ARID4A: variants seen among roughly 807,000 people sequenced by gnomAD.
ARID4A encodes the protein AT-rich interactive domain-containing protein 4A.
A neutral mutation model predicts 148.6 loss-of-function variants in ARID4A; 39 were observed. The observed-to-expected ratio is 0.26, with a 90% confidence interval of 0.20 to 0.34. The LOEUF is 0.34. Ranked by LOEUF, ARID4A falls within the 10% of genes least tolerant of loss-of-function variation. ARID4A has a pLI of 1.00. For synonymous variants in ARID4A, 475 were observed against 481.2 expected (o/e 0.99, Z 0.17); for missense variants, 1,265 against 1,449.1 (o/e 0.87, Z 2.06).
At chr14:58,332,771 G>A (rs568595936) in intron 11 of ARID4A, among the ~76,000 whole-genome samples, 1 of 152,040 alleles carries the variant, frequency 6.6e-6, no homozygotes, top group East Asian at 1.9e-4. Context: ...AAAATGTAAC[G>A]ATGCTATGCT....
chr14:58,331,997 C>G, intron 11 of ARID4A, among the ~76,000 whole-genome samples: 1 of 23,228 alleles, frequency 4.3e-5, no homozygotes, highest in African/African-American at 1.4e-4. Flanking sequence ...TTTTCCCTAC[C>G]CCCCCCCCCC....
chr14:58,346,568 TTGCATTATTATA>T, intron 13 of ARID4A, 63 bp downstream of exon 13: 1 of 1,074,760 alleles, frequency 9.3e-7, no homozygotes. Context: ...TTATCTTATA[TTGCATTATTATA>T]TGCACATTGG....
chr14:58,303,827 G>C (rs1397403586), intron 3 of ARID4A: 1 of 194,032 alleles, frequency 5.2e-6, no homozygotes, highest in African/African-American at 2.3e-5. Flanking sequence ...AAAAGTTTAA[G>C]AATCAGGTTG....
At chr14:58,320,882 C>T (rs2032842487) in intron 7 of ARID4A, among the ~76,000 whole-genome samples, 1 of 152,178 alleles carries the variant, frequency 6.6e-6, no homozygotes, top group African/African-American at 2.4e-5. Flanking sequence ...GTTGGGATTA[C>T]AGGCATGAGC....
At chr14:58,352,639 C>G (rs541365075) in intron 16 of ARID4A, among the ~76,000 whole-genome samples, 2 of 152,064 alleles carry the variant, frequency 1.3e-5, no homozygotes, top group Admixed American at 6.6e-5. Flanking sequence ...TTGGAAGGTG[C>G]CTTCCAAGAG....
chr14:58,318,304 C>A (rs1225664509), intron 5 of ARID4A, among the ~76,000 whole-genome samples: 3 of 152,008 alleles, frequency 2.0e-5, no homozygotes, highest in African/African-American at 7.3e-5. Context: ...TGATAGAAAT[C>A]AAAAAAGCAG....
At chr14:58,311,444 C>T (rs1185473881) in intron 5 of ARID4A, among the ~76,000 whole-genome samples, 7 of 152,138 alleles carry the variant, frequency 4.6e-5, no homozygotes, top group Non-Finnish European at 1.0e-4. Flanking sequence ...GTTACAAGCA[C>T]TGGCAAGGAT....
At chr14:58,338,865 C>A (rs966129122) in intron 11 of ARID4A, among the ~76,000 whole-genome samples, 3 of 151,130 alleles carry the variant, frequency 2.0e-5, no homozygotes, top group African/African-American at 7.3e-5. Context: ...AAAAAAAGTC[C>A]TTTGGTATTG....
At position 58,361,017 on chromosome 14, in the gene ARID4A, G is replaced by A. The variant is rs754709661; in HGVS notation, c.2055G>A (p.Lys685=). The change falls in exon 19 of 24, where the codon AAG becomes AAA. Residue 685 remains lysine, a synonymous_variant. Transcript: ENST00000355431. ...CAAACATGCCGTATGGCTTATCTAA[G>A]ACAGCAAACAGTGAAGGAAAATCAG... is the stretch of plus-strand genomic sequence containing the variant. The part of the protein sequence containing the change: ...LSSNMPYGLS[K]TANSEGKSDS... The A allele has an allele frequency of 5.0e-6, 8 of 1,613,898 alleles. No homozygotes were observed. In the South Asian group the frequency reaches 8.8e-5, roughly 18 times the overall value.
intron 3 of ARID4A, among the ~76,000 whole-genome samples, chr14:58,302,969 A>AT (rs1321096617): frequency 6.6e-6 from 1 of 150,976 alleles, no homozygotes; most frequent in African/African-American, 2.4e-5. Flanking sequence ...CAAAAAAAAA[A>AT]TTTTTTTTTA....
intron 7 of ARID4A, among the ~76,000 whole-genome samples, chr14:58,322,771 G>A (rs1422099177): frequency 6.6e-6 from 1 of 151,662 alleles, no homozygotes; most frequent in African/African-American, 2.4e-5. Context: ...AGACCAGCCT[G>A]GCCAACATGG....
intron 11 of ARID4A, among the ~76,000 whole-genome samples, chr14:58,331,990 T>A (rs1004669354): frequency 1.0e-5 from 1 of 96,128 alleles, no homozygotes; most frequent in Non-Finnish European, 2.2e-5. Context: ...GAATGCATTT[T>A]CCCTACCCCC....
At chr14:58,345,845 C>G (rs1218549160) in intron 12 of ARID4A, among the ~76,000 whole-genome samples, 3 of 151,212 alleles carry the variant, frequency 2.0e-5, no homozygotes, top group African/African-American at 7.3e-5. Context: ...GTCCTCCCAC[C>G]TCAGGCTCCC....
chr14:58,342,515 GTTTAC>G (rs1002790814), intron 11 of ARID4A, among the ~76,000 whole-genome samples: 3 of 152,128 alleles, frequency 2.0e-5, no homozygotes, highest in Non-Finnish European at 2.9e-5. Flanking sequence ...AGTTGATTTT[GTTTAC>G]TTGTATTGGG....
At chr14:58,318,134 T>A (rs2032595662) in intron 5 of ARID4A, among the ~76,000 whole-genome samples, 1 of 151,986 alleles carries the variant, frequency 6.6e-6, no homozygotes, top group African/African-American at 2.4e-5. Context: ...ATACCAGGAG[T>A]CAGTTTCTGG....
chr14:58,370,329 T>C (rs1227228797), intron 23 of ARID4A, among the ~76,000 whole-genome samples: 2 of 152,220 alleles, frequency 1.3e-5, no homozygotes, highest in Non-Finnish European at 2.9e-5. Flanking sequence ...AGAGTTTCAC[T>C]CTTGTTGCCC....
At chr14:58,366,487 A>G (rs2035365406) in intron 22 of ARID4A, among the ~76,000 whole-genome samples, 1 of 152,200 alleles carries the variant, frequency 6.6e-6, no homozygotes, top group African/African-American at 2.4e-5. Context: ...AATCAGTGAA[A>G]TTGAAGTGCC....
At chr14:58,311,730 A>G (rs1357334984) in intron 5 of ARID4A, among the ~76,000 whole-genome samples, 1 of 152,220 alleles carries the variant, frequency 6.6e-6, no homozygotes, top group Non-Finnish European at 1.5e-5. Flanking sequence ...TGTGATATAT[A>G]TACATAATGG....
chr14:58,308,916 T>G (rs1200203688), intron 5 of ARID4A, among the ~76,000 whole-genome samples: 1 of 152,242 alleles, frequency 6.6e-6, no homozygotes, highest in Admixed American at 6.5e-5. Context: ...ATTGCTGGTT[T>G]GGATCAAATA....
Sources: allele counts gnomAD v4.1 joint callset (sites outside exome capture counted in the v4.1 genomes callset), GRCh38; gene constraint gnomAD v4.1.1; transcripts MANE v1.5; gene names NCBI Gene and HGNC (gene_info 2026-07-23, HGNC 2026-07-21).